Variants in EXOC1L observed in about 807,000 individuals in gnomAD.
EXOC1L encodes exocyst complex component 1 like.
Under a neutral mutation model 4.9 loss-of-function variants are expected in EXOC1L, and 10 were observed. The observed-to-expected ratio is 2.02, with a 90% CI of 1.25 to 3.43. The LOEUF is 3.43. Among genes scored for constraint, EXOC1L ranks in the 30% most tolerant of loss-of-function variants. EXOC1L has a pLI of 0.00. For synonymous variants in EXOC1L, 41 were observed against 20.8 expected, an observed-to-expected ratio of 1.97 and a Z score of -2.63; for missense variants, 114 against 59.4, an observed-to-expected ratio of 1.92 and a Z score of -3.02.
chr4:55,821,701 C>T (rs1326242420), intron 1 of EXOC1L, among the ~76,000 whole-genome samples: 1 of 152,034 alleles, frequency 6.6e-6, no homozygotes, highest in East Asian at 1.9e-4. Context: ...TTCAATAATT[C>T]TGTCATGTAA....
At chr4:55,825,394 G>A (rs1041591282) in intron 1 of EXOC1L, among the ~76,000 whole-genome samples, 3 of 152,034 alleles carry the variant, frequency 2.0e-5, no homozygotes, top group African/African-American at 7.3e-5. Flanking sequence ...TATCTTATTT[G>A]CCACATCTAG....
chr4:55,835,564 T>A (rs938271897), intron 2 of EXOC1L, among the ~76,000 whole-genome samples: 2 of 152,004 alleles, frequency 1.3e-5, no homozygotes, highest in Non-Finnish European at 2.9e-5. Context: ...AGGAGTAAGG[T>A]GGTATTGCAT....
At chr4:55,830,383 T>C (rs751973485) in intron 1 of EXOC1L, among the ~76,000 whole-genome samples, 28 of 152,200 alleles carry the variant, frequency 1.8e-4, no homozygotes, top group South Asian at 4.1e-4. Context: ...TTATTGTATG[T>C]GACATGTGTG....
intron 1 of EXOC1L, among the ~76,000 whole-genome samples, chr4:55,830,087 A>G (rs1262374564): frequency 6.6e-6 from 1 of 152,108 alleles, no homozygotes; most frequent in Non-Finnish European, 1.5e-5. Context: ...CTCAAATTCT[A>G]TTTCATTTGT....
intron 1 of EXOC1L, among the ~76,000 whole-genome samples, chr4:55,822,969 A>G (rs1027294078): frequency 1.2e-5 from 1 of 83,662 alleles, no homozygotes; most frequent in African/African-American, 4.9e-5. Flanking sequence ...TAGTAAAAAC[A>G]AAATAGTAAA....
At chr4:55,831,760 T>C (rs1484851764) in intron 2 of EXOC1L, among the ~76,000 whole-genome samples, 1 of 152,100 alleles carries the variant, frequency 6.6e-6, no homozygotes, top group Non-Finnish European at 1.5e-5. Context: ...TTTCCAAATA[T>C]ATGATGCTTC....
At chr4:55,820,240 CTA>C in intron 1 of EXOC1L, 93 bp downstream of exon 1, 1 of 392,998 alleles carries the variant, frequency 2.5e-6, no homozygotes, top group Non-Finnish European at 4.5e-6. Flanking sequence ...ATTTATTTTC[CTA>C]TATAGCACGT....
At chr4:55,822,043 A>G (rs1719757603) in intron 1 of EXOC1L, among the ~76,000 whole-genome samples, 1 of 152,242 alleles carries the variant, frequency 6.6e-6, no homozygotes, top group Non-Finnish European at 1.5e-5. Context: ...CATACTTTGA[A>G]CGATGGCCAC....
chr4:55,827,911 A>C (rs1719925451), intron 1 of EXOC1L, among the ~76,000 whole-genome samples: 1 of 152,164 alleles, frequency 6.6e-6, no homozygotes, highest in Admixed American at 6.5e-5. Context: ...TCGTCTTCCC[A>C]AGACTAACAT....
At chr4:55,828,398 T>C (rs1719937398) in intron 1 of EXOC1L, among the ~76,000 whole-genome samples, 1 of 152,184 alleles carries the variant, frequency 6.6e-6, no homozygotes, top group Non-Finnish European at 1.5e-5. Flanking sequence ...TCTCCAAACC[T>C]TTAAACTTCA....
intron 2 of EXOC1L, among the ~76,000 whole-genome samples, chr4:55,835,799 G>C (rs1188156604): frequency 6.6e-6 from 1 of 151,950 alleles, no homozygotes; most frequent in Admixed American, 6.6e-5. Context: ...CTCCCACTCT[G>C]TGGGTTGTCT....
chr4:55,826,506 T>G (rs753631435), intron 1 of EXOC1L, among the ~76,000 whole-genome samples: 1 of 152,204 alleles, frequency 6.6e-6, no homozygotes. Context: ...GAAGTTAAAA[T>G]TATAATTCTG....
Position 55,831,409 on chromosome 4 carries a change from C to T in EXOC1L, c.197C>T (p.Thr66Ile). 4.3e-6 allele frequency: 3 copies of T among 691,728 alleles called. No individual in the cohort carries two copies. The highest frequency in any genetic ancestry group is 7.9e-6 in the Non-Finnish European group (3 of 380,434). The allele number at this position is 691,728 out of a possible 1,614,324, so 42.8% of individuals were successfully genotyped here. A position where few individuals can be genotyped will look rare whatever the true frequency, so the allele number is the denominator to read the frequency against. ...GGTTTAGATGAAAAATATGAAGTAA[C>T]AAAAAAGTGGTCTTTGAACGATCTG... ...RIGLDEKYEV[T>I]KKWSLNDLQM... is the part of the protein sequence containing the mutation. Residue 66 changes from threonine (T) to isoleucine (I), a missense_variant, in exon 2 of 3, where the codon ACA (threonine) becomes ATA (isoleucine). Coordinates refer to ENST00000636125, the MANE Select transcript of EXOC1L (RefSeq NM_001351574.3).
chr4:55,836,783 C>T (rs1720175646), intron 2 of EXOC1L, among the ~76,000 whole-genome samples: 1 of 151,858 alleles, frequency 6.6e-6, no homozygotes, highest in Non-Finnish European at 1.5e-5. Flanking sequence ...TTATTTATTC[C>T]CTACTCATCC....
intron 1 of EXOC1L, among the ~76,000 whole-genome samples, chr4:55,820,473 C>T (rs993499690): frequency 3.9e-5 from 6 of 152,138 alleles, no homozygotes; most frequent in African/African-American, 1.4e-4. Flanking sequence ...TGTGCAAGAG[C>T]TCATTTTTAA....
intron 1 of EXOC1L, among the ~76,000 whole-genome samples, chr4:55,821,260 A>G (rs1027057136): frequency 1.2e-4 from 19 of 152,322 alleles, no homozygotes; most frequent in Middle Eastern, 3.4e-3. Context: ...ATATTTTGCT[A>G]TATGACTACA....
At chr4:55,822,184 T>G (rs1577661975) in intron 1 of EXOC1L, among the ~76,000 whole-genome samples, 2 of 152,220 alleles carry the variant, frequency 1.3e-5, no homozygotes, top group Non-Finnish European at 2.9e-5. Context: ...AAAAATATGT[T>G]TAAATATGGT....
chr4:55,822,152 A>T (rs1320519085), intron 1 of EXOC1L, among the ~76,000 whole-genome samples: 1 of 152,194 alleles, frequency 6.6e-6, no homozygotes, highest in Admixed American at 6.5e-5. Context: ...GTCAAATTCC[A>T]TCATGTATTT....
intron 1 of EXOC1L, among the ~76,000 whole-genome samples, chr4:55,828,950 CA>C (rs1179636225): frequency 6.6e-6 from 1 of 152,184 alleles, no homozygotes; most frequent in East Asian, 1.9e-4. Flanking sequence ...TCCTAAACTA[CA>C]AAACTTCCAT....
Sources: gnomAD v4.1 joint callset for allele counts (sites outside exome capture counted in the v4.1 genomes callset) on GRCh38, gnomAD v4.1.1 for gene constraint, MANE v1.5 for transcripts, NCBI Gene and HGNC (gene_info 2026-07-23, HGNC 2026-07-21) for gene names.